Variants in GFRA2 observed in about 807,000 individuals in gnomAD.
The protein encoded by GFRA2 is GDNF family receptor alpha 2.
Under a neutral mutation model 48.3 loss-of-function variants are expected in GFRA2, and 17 were observed. The observed-to-expected ratio is 0.35, with a 90% CI of 0.24 to 0.53. The LOEUF (loss-of-function observed/expected upper bound fraction) is 0.53. Among genes scored for constraint, GFRA2 ranks in the 20% least tolerant of loss-of-function variants. The pLI, the probability that GFRA2 is intolerant of heterozygous loss-of-function variation, is 0.93. For missense variants in GFRA2, 660 were observed against 637.3 expected (o/e 1.04, Z -0.38); for synonymous variants, 305 against 257.2 (o/e 1.19, Z -1.78).
At chr8:21,725,499 G>C (rs895485635) in intron 4 of GFRA2, among the ~76,000 whole-genome samples, 3 of 152,216 alleles carry the variant, frequency 2.0e-5, no homozygotes, top group African/African-American at 7.2e-5. Context: ...TATGCTGTTT[G>C]TTTTCTATAA....
chr8:21,777,342 C>T (rs2117718313), intron 2 of GFRA2, among the ~76,000 whole-genome samples: 1 of 152,090 alleles, frequency 6.6e-6, no homozygotes, highest in African/African-American at 2.4e-5. Context: ...GCCTGTCCTT[C>T]CCTACTGCAT....
chr8:21,739,661 C>A (rs12155871), intron 4 of GFRA2, among the ~76,000 whole-genome samples: 27,764 of 152,142 alleles, frequency 0.18, 2,724 homozygotes, highest in Middle Eastern at 0.24. Context: ...CTGCCTCCCC[C>A]CTGGGGATGC....
At chr8:21,754,135 C>A (rs1174783070) in intron 3 of GFRA2, among the ~76,000 whole-genome samples, 1 of 152,240 alleles carries the variant, frequency 6.6e-6, no homozygotes, top group East Asian at 1.9e-4. Flanking sequence ...TTTCCCACAG[C>A]ACTCATCACT....
At chr8:21,768,223 A>T (rs2117678426) in intron 3 of GFRA2, among the ~76,000 whole-genome samples, 1 of 152,356 alleles carries the variant, frequency 6.6e-6, no homozygotes, top group Admixed American at 6.5e-5. Flanking sequence ...GCTGCAGCTA[A>T]AGCCCAATTT....
At chr8:21,700,836 T>A (rs925493287) in intron 7 of GFRA2, among the ~76,000 whole-genome samples, 18 of 152,012 alleles carry the variant, frequency 1.2e-4, no homozygotes, top group African/African-American at 4.3e-4. Flanking sequence ...CTTCCTCCCA[T>A]CCAGGCTCAG....
intron 5 of GFRA2, 98 bp downstream of exon 5, chr8:21,705,834 G>C (rs1231099523): frequency 5.4e-6 from 4 of 746,758 alleles, no homozygotes; most frequent in African/African-American, 5.3e-5. Flanking sequence ...GGCTCAGGCT[G>C]TCTCCCCCAG....
At chr8:21,764,209 A>T (rs1296957804) in intron 3 of GFRA2, among the ~76,000 whole-genome samples, 1 of 152,192 alleles carries the variant, frequency 6.6e-6, no homozygotes, top group Non-Finnish European at 1.5e-5. Flanking sequence ...TGCAAAGTCC[A>T]ACATCGAGGT....
intron 4 of GFRA2, among the ~76,000 whole-genome samples, chr8:21,716,286 G>A (rs188675677): frequency 1.4e-5 from 2 of 146,832 alleles, no homozygotes; most frequent in African/African-American, 5.1e-5. Context: ...TCACACTACT[G>A]CGCTCCAGCC....
chr8:21,728,307 C>T (rs1241493965), intron 4 of GFRA2, among the ~76,000 whole-genome samples: 2 of 123,662 alleles, frequency 1.6e-5, no homozygotes, highest in Non-Finnish European at 3.2e-5. Flanking sequence ...TGGAGTCTCA[C>T]TCTGTTGCCC....
intron 1 of GFRA2, chr8:21,784,222 T>C (rs929409105): frequency 1.8e-5 from 8 of 446,136 alleles, no homozygotes; most frequent in African/African-American, 6.0e-5. Flanking sequence ...CTAAAATGGT[T>C]TCCTCCAGAC....
upstream of GFRA2, among the ~76,000 whole-genome samples, chr8:21,789,598 C>A (rs1807479911): frequency 6.6e-6 from 1 of 152,128 alleles, no homozygotes; most frequent in African/African-American, 2.4e-5. Flanking sequence ...TTATCCCCTT[C>A]GGCGCCGGCC....
intron 3 of GFRA2, among the ~76,000 whole-genome samples, chr8:21,751,845 G>A (rs537066130): frequency 1.2e-4 from 18 of 152,218 alleles, no homozygotes; most frequent in South Asian, 8.3e-4. Flanking sequence ...GCAGGGTGCC[G>A]TGTTAGATAT....
chr8:21,759,836 T>C (rs1381656520), intron 3 of GFRA2, among the ~76,000 whole-genome samples: 1 of 140,974 alleles, frequency 7.1e-6, no homozygotes, highest in African/African-American at 2.7e-5. Flanking sequence ...TTGCTGTGAG[T>C]CAGGATCGCA....
At position 21,756,035 on chromosome 8, in the gene GFRA2, G is replaced by A. The variant is rs375920183; in HGVS notation, c.440-5093C>T. On this transcript the variant is annotated intron_variant, in intron 3 of 8. Coordinates refer to ENST00000524240, the MANE Select transcript of GFRA2 (RefSeq NM_001495.5). ...TGGCTGCTGGCTGGAGGAGTGGAGC[G>A]GCCGGGGGCCAAGGTGAGGAGAGAC... Among the ~76,000 whole-genome samples the A allele has an allele frequency of 5.5e-3, 832 of 152,312 alleles. 9 individuals are homozygous for A. The highest frequency in any genetic ancestry group is 0.019 in the African/African-American group (802 of 41,568).
At chr8:21,696,004 C>A (rs367799123) in intron 7 of GFRA2, among the ~76,000 whole-genome samples, 1 of 151,884 alleles carries the variant, frequency 6.6e-6, no homozygotes. Flanking sequence ...TCCCTACATC[C>A]CTACCCCCAA....
intron 4 of GFRA2, among the ~76,000 whole-genome samples, chr8:21,721,253 T>G (rs1028645922): frequency 6.6e-6 from 1 of 152,212 alleles, no homozygotes; most frequent in Admixed American, 6.5e-5. Flanking sequence ...CCAGTGTGTC[T>G]GCCTTTCCCC....
chr8:21,798,344 A>C lies in GFRA2; in HGVS notation c.-36+6673T>G, dbSNP rs1051569919. ...GGTCAGCCCTCAGGAAGGATTTCCT[A>C]GTGGAAAGAAAGAAAAAGGAAGCAA... On this transcript the variant is annotated intron_variant, in intron 2 of 10. Coordinates refer to the GFRA2 transcript ENST00000517328. 1.1e-4 allele frequency among the ~76,000 whole-genome samples: 17 copies of C among 152,234 alleles called. No homozygotes were observed. The South Asian group carries it at 3.3e-3, about 30-fold the overall frequency.
At chr8:21,737,473 C>T (rs1467951190) in intron 4 of GFRA2, among the ~76,000 whole-genome samples, 2 of 152,178 alleles carry the variant, frequency 1.3e-5, no homozygotes, top group South Asian at 2.1e-4. Context: ...TTTAGAGAAC[C>T]CTGAGCTGGC....
intron 3 of GFRA2, among the ~76,000 whole-genome samples, chr8:21,761,899 G>T (rs1300411605): frequency 6.6e-6 from 1 of 152,032 alleles, no homozygotes; most frequent in Non-Finnish European, 1.5e-5. Flanking sequence ...GCAGTGAGCT[G>T]AGGGCTGTCA....
Sources: gnomAD v4.1 joint callset for allele counts (sites outside exome capture counted in the v4.1 genomes callset) on GRCh38, gnomAD v4.1.1 for gene constraint, MANE v1.5 for transcripts, NCBI Gene and HGNC (gene_info 2026-07-23, HGNC 2026-07-21) for gene names.